The following ATP9A variants were observed in gnomAD, a reference collection of about 807,000 sequenced individuals.
ATP9A encodes probable phospholipid-transporting ATPase IIA.
In ATP9A, 52 loss-of-function variants were observed where a neutral mutation model predicts 144.1. That is an observed-to-expected ratio of 0.36 (90% CI 0.29 to 0.45). The LOEUF (loss-of-function observed/expected upper bound fraction) is 0.45. Among genes scored for constraint, ATP9A ranks in the 20% least tolerant of loss-of-function variants. The pLI, the probability that ATP9A is intolerant of heterozygous loss-of-function variation, is 1.00. For missense variants in ATP9A, 947 were observed against 1,392.7 expected, an observed-to-expected ratio of 0.68 and a Z score of 5.09; for synonymous variants, 582 against 557.4, an observed-to-expected ratio of 1.04 and a Z score of -0.62.
chr20:51,742,322 C>T (rs994097680), intron 1 of ATP9A, among the ~76,000 whole-genome samples: 23 of 117,382 alleles, frequency 2.0e-4, no homozygotes, highest in African/African-American at 7.6e-4. Context: ...AAAACACTGT[C>T]TCAAAAAAAA....
chr20:51,766,394 A>G (rs1260728866), intron 1 of ATP9A, among the ~76,000 whole-genome samples: 1 of 152,198 alleles, frequency 6.6e-6, no homozygotes, highest in African/African-American at 2.4e-5. Context: ...TGGCTCCTGC[A>G]CATAGTAGGC....
intron 14 of ATP9A, among the ~76,000 whole-genome samples, chr20:51,648,720 T>G (rs2077351987): frequency 6.6e-6 from 1 of 152,034 alleles, no homozygotes; most frequent in African/African-American, 2.4e-5. Flanking sequence ...TCATCCCAGC[T>G]ACTTGGAAGG....
chr20:51,612,407 T>C (rs892646348), intron 23 of ATP9A, among the ~76,000 whole-genome samples: 1 of 152,198 alleles, frequency 6.6e-6, no homozygotes, highest in African/African-American at 2.4e-5. Context: ...ACTTAATTGC[T>C]ACAGACTGAT....
At chr20:51,662,444 C>A (rs903616737) in intron 13 of ATP9A, among the ~76,000 whole-genome samples, 3 of 151,580 alleles carry the variant, frequency 2.0e-5, no homozygotes, top group East Asian at 2.0e-4. Flanking sequence ...ACTCGGCAGG[C>A]TGAGGCAGGA....
intron 1 of ATP9A, among the ~76,000 whole-genome samples, chr20:51,763,114 A>G (rs62228189): frequency 0.08 from 12,130 of 152,082 alleles, 1,211 homozygotes; most frequent in African/African-American, 0.23. Context: ...GATTCCATTG[A>G]TAGACAATTT....
Position 51,596,706 on chromosome 20 carries a change from T to C in ATP9A, c.*4505A>G, listed in dbSNP as rs575499149. On this transcript the variant is annotated 3_prime_UTR_variant, in exon 28 of 28. Coordinates refer to ENST00000338821, the MANE Select transcript of ATP9A (RefSeq NM_006045.3). Reference sequence around the variant, plus strand: ...ATGAAATAAAGAAAAAATAGGAGCGTTATAATAAAAAGTCCTCATTTTGAT... The same window carrying C: ...ATGAAATAAAGAAAAAATAGGAGCGCTATAATAAAAAGTCCTCATTTTGAT... 1.3e-5 allele frequency: 2 copies of C among 152,168 alleles called. No homozygotes were observed. The highest frequency in any genetic ancestry group is 2.1e-4 in the South Asian group (1 of 4,810). 9.4% of individuals were successfully genotyped at this position (152,168 alleles called of 1,614,324 possible). A position where few individuals can be genotyped will look rare whatever the true frequency, so the allele number is the denominator to read the frequency against.
intron 14 of ATP9A, among the ~76,000 whole-genome samples, chr20:51,648,590 G>A (rs1016336563): frequency 1.3e-5 from 2 of 152,124 alleles, no homozygotes; most frequent in Non-Finnish European, 2.9e-5. Context: ...CAGCACTCTG[G>A]GAGGCTGAGG....
chr20:51,730,090 A>T, intron 1 of ATP9A, 112 bp from the exon 2 acceptor site: 2 of 1,185,412 alleles, frequency 1.7e-6, no homozygotes, highest in Non-Finnish European at 2.2e-6. Context: ...CTGGCTCAGG[A>T]CCACAGCCAT....
intron 9 of ATP9A, among the ~76,000 whole-genome samples, chr20:51,680,371 A>T (rs746012498): frequency 6.6e-6 from 1 of 152,056 alleles, no homozygotes; most frequent in Non-Finnish European, 1.5e-5. Context: ...AAAGTTTGAG[A>T]AGAACTGGGC....
At chr20:51,678,789 G>A (rs993556577) in intron 9 of ATP9A, among the ~76,000 whole-genome samples, 3 of 152,194 alleles carry the variant, frequency 2.0e-5, no homozygotes, top group African/African-American at 4.8e-5. Context: ...TGCCCTCTAC[G>A]TCTGGCCTGG....
At chr20:51,682,964 T>C (rs1193424975) in intron 9 of ATP9A, among the ~76,000 whole-genome samples, 3 of 150,634 alleles carry the variant, frequency 2.0e-5, no homozygotes, top group Admixed American at 6.6e-5. Context: ...TGGTGGTGCA[T>C]GCCTGTAATC....
At position 51,600,679 on chromosome 20, in the gene ATP9A, G is replaced by C. The variant is rs2077138561; in HGVS notation, c.*532C>G. 1 of 152,140 alleles carries C rather than the reference G, an allele frequency of 6.6e-6. No individual in the cohort carries two copies. Among genetic ancestry groups the C allele is most frequent in the South Asian group, 2.1e-4 (1 of 4,808 alleles). 9.4% of individuals were successfully genotyped at this position (152,140 alleles called of 1,614,324 possible). Reference sequence around the variant, plus strand: ...ATTTCCGAATGGAGATTATTGTGTGGATAACTTTTTACCAAATGTCACTGT... The same window carrying C: ...ATTTCCGAATGGAGATTATTGTGTGCATAACTTTTTACCAAATGTCACTGT... On this transcript the variant is annotated 3_prime_UTR_variant, in exon 28 of 28. Transcript: ENST00000338821.
chr20:51,653,116 A>T (rs1045424065), intron 14 of ATP9A, among the ~76,000 whole-genome samples: 7 of 130,124 alleles, frequency 5.4e-5, no homozygotes, highest in Non-Finnish European at 8.6e-5. Flanking sequence ...TCTCAAAAAA[A>T]AAAACAACCA....
chr20:51,661,854 C>T (rs1357132533), intron 13 of ATP9A, among the ~76,000 whole-genome samples: 3 of 152,110 alleles, frequency 2.0e-5, no homozygotes, highest in African/African-American at 7.2e-5. Context: ...CTAAGTAAAT[C>T]CAATGTTTAC....
chr20:51,649,513 A>G lies in ATP9A; in HGVS notation c.1506+7425T>C, dbSNP rs368595821. Among the ~76,000 whole-genome samples, 48 of 152,320 alleles carry G rather than the reference A, an allele frequency of 3.2e-4. 2 individuals are homozygous for G. Among genetic ancestry groups the G allele is most frequent in the East Asian group, 3.9e-4 (2 of 5,182 alleles). ...ATCATTTCTCACTGCCGTCAGTACCACTGTTATCACCATTACTACCTCATC... is the reference window on the plus strand; with the variant it reads ...ATCATTTCTCACTGCCGTCAGTACCGCTGTTATCACCATTACTACCTCATC... On this transcript the variant is annotated intron_variant, in intron 14 of 27. Coordinates refer to ENST00000338821, the MANE Select transcript of ATP9A (RefSeq NM_006045.3).
chr20:51,688,026 C>T (rs759881322), intron 9 of ATP9A, among the ~76,000 whole-genome samples: 4 of 152,210 alleles, frequency 2.6e-5, no homozygotes, highest in Non-Finnish European at 5.9e-5. Context: ...TGCCTAGGTT[C>T]AAGTTCCAAC....
chr20:51,600,805 AAAACACACACAC>A lies in ATP9A; in HGVS notation c.*394_*405del, dbSNP rs1180968522. On this transcript the variant is annotated 3_prime_UTR_variant, in exon 28 of 28. Coordinates refer to ENST00000338821, the MANE Select transcript of ATP9A (RefSeq NM_006045.3). Reference sequence around the variant, plus strand: ...AGTACATACACATTAGGACTCTTTAAAAACACACACACACACACACACACACACACACACACA... The same window carrying A: ...AGTACATACACATTAGGACTCTTTAAACACACACACACACACACACACACA... The A allele has an allele frequency of 1.9e-4, 23 of 122,800 alleles. No individual in the cohort carries two copies. The highest frequency in any genetic ancestry group is 3.1e-4 in the South Asian group (1 of 3,178). The allele number at this position is 122,800 out of a possible 1,614,324, so 7.6% of individuals were successfully genotyped here.
At chr20:51,626,988 C>T (rs1327433494) in intron 17 of ATP9A, among the ~76,000 whole-genome samples, 4 of 147,850 alleles carry the variant, frequency 2.7e-5, no homozygotes, top group Non-Finnish European at 5.9e-5. Context: ...ACCTGGGAGG[C>T]GGAGGTTACA....
At chr20:51,685,569 A>G (rs8182916) in intron 9 of ATP9A, among the ~76,000 whole-genome samples, 1 of 126,594 alleles carries the variant, frequency 7.9e-6, no homozygotes, top group Non-Finnish European at 1.7e-5. Context: ...GTCTCAGAAA[A>G]AAAAGAAAAG....
Sources: allele counts gnomAD v4.1 joint callset (sites outside exome capture counted in the v4.1 genomes callset), GRCh38; gene constraint gnomAD v4.1.1; transcripts MANE v1.5; gene names NCBI Gene and HGNC (gene_info 2026-07-23, HGNC 2026-07-21).